Variants in HERC1 observed in about 807,000 individuals in gnomAD.
The protein encoded by HERC1 is probable E3 ubiquitin-protein ligase HERC1.
In HERC1, 160 loss-of-function variants were observed where a neutral mutation model predicts 554.3. That is an observed-to-expected ratio of 0.29 (90% CI 0.25 to 0.33). The LOEUF is 0.33. HERC1 is among the 10% of genes least tolerant of loss of function. The pLI is 1.00. For synonymous variants in HERC1, 2,175 were observed against 2,131.7 expected (o/e 1.02, Z -0.56); for missense variants, 4,919 against 5,918.5 (o/e 0.83, Z 5.54).
At chr15:63,777,645 GTCC>G (rs1300635379) in intron 1 of HERC1, among the ~76,000 whole-genome samples, 1 of 152,078 alleles carries the variant, frequency 6.6e-6, no homozygotes, top group African/African-American at 2.4e-5. Flanking sequence ...ATCACAGTCT[GTCC>G]TCAACATTGC....
chr15:63,732,251 T>G (rs1281031176), intron 14 of HERC1, among the ~76,000 whole-genome samples: 1 of 152,112 alleles, frequency 6.6e-6, no homozygotes, highest in African/African-American at 2.4e-5. Flanking sequence ...TCCACCCAAC[T>G]CGGCCTCCCA....
chr15:63,749,909 G>T lies in HERC1; in HGVS notation c.1903-118C>A. On this transcript the variant is annotated intron_variant, in intron 8 of 77. Transcript: ENST00000443617. This position sits in a 1 kb window ranked among gnomAD's most constrained non-coding sequence, Gnocchi z 4.1. ...GTTTGATAGTAAATAACTTTCTGAT[G>T]TTAAAATCATTTTGATCATTTTAAA... 1.2e-6 allele frequency: 1 copy of T among 829,874 alleles called. No homozygotes were observed. The highest frequency in any genetic ancestry group is 1.8e-6 in the Non-Finnish European group (1 of 565,428). The allele number at this position is 829,874 out of a possible 1,614,324, so 51.4% of individuals were successfully genotyped here. A position where few individuals can be genotyped will look rare whatever the true frequency, so the allele number is the denominator to read the frequency against.
chr15:63,739,194 AC>A (rs1159020034), intron 12 of HERC1, among the ~76,000 whole-genome samples: 7 of 50,640 alleles, frequency 1.4e-4, no homozygotes, highest in African/African-American at 4.8e-4. Context: ...CCACTAATAT[AC>A]TTTTTTTTTT....
intron 1 of HERC1, among the ~76,000 whole-genome samples, chr15:63,799,432 C>T (rs958714950): frequency 7.3e-5 from 11 of 151,346 alleles, no homozygotes; most frequent in Admixed American, 3.9e-4. Context: ...CCCAGGAGGT[C>T]AAGGCTGCCG....
intron 66 of HERC1, 91 bp downstream of exon 66, chr15:63,634,642 G>T: frequency 2.0e-6 from 2 of 1,018,736 alleles, no homozygotes; most frequent in Non-Finnish European, 2.9e-6. Context: ...GGTACAACTG[G>T]TGATCCTGAT....
intron 74 of HERC1, among the ~76,000 whole-genome samples, chr15:63,621,675 G>A (rs959361485): frequency 6.6e-6 from 1 of 152,166 alleles, no homozygotes; most frequent in African/African-American, 2.4e-5. Context: ...ATTTCTTGGA[G>A]GCTTTGTTCG....
chr15:63,694,704 C>T lies in HERC1; in HGVS notation c.5242+70G>A, dbSNP rs767102200. The T allele has an allele frequency of 2.3e-5, 37 of 1,590,172 alleles. 1 individual carries two copies. The African/African-American group carries it at 3.2e-4, about 14-fold the overall frequency. ...CTAATGTTAAACACAAAATATAGAA[C>T]ATAACTAGTACCATAACCTCGGGCT... On this transcript the variant is annotated intron_variant, in intron 28 of 77. Transcript: ENST00000443617. The surrounding 1 kb of genome is among the most constrained non-coding windows in gnomAD (Gnocchi z 4.3).
chr15:63,738,992 T>C (rs2074670195), intron 12 of HERC1, among the ~76,000 whole-genome samples: 3 of 151,948 alleles, frequency 2.0e-5, no homozygotes, highest in Non-Finnish European at 4.4e-5. Context: ...TTTTTTTTTT[T>C]TCAAATTGAC....
At chr15:63,789,472 TAA>T (rs2076563294) in intron 1 of HERC1, among the ~76,000 whole-genome samples, 1 of 151,968 alleles carries the variant, frequency 6.6e-6, no homozygotes. Flanking sequence ...AAGTAGAATA[TAA>T]GAGTGCCCAC....
In HERC1 at chr15:63,651,441, C is replaced by T. The variant is rs1161937166; in HGVS notation, c.10419-61G>A. On this transcript the variant is annotated intron_variant, in intron 52 of 77. Transcript: ENST00000443617. ...CCATCATTCAAAAGTAAATTAAATC[C>T]CAAACCTTAAAATAAGGGTTTCATA... 2.0e-6 allele frequency: 3 copies of T among 1,518,648 alleles called. No homozygotes were observed. The African/African-American group carries it at 4.2e-5, about 21-fold the overall frequency. 94.1% of individuals were successfully genotyped at this position (1,518,648 alleles called of 1,614,324 possible).
chr15:63,670,753 C>T (rs2070869931), intron 39 of HERC1, among the ~76,000 whole-genome samples: 1 of 152,028 alleles, frequency 6.6e-6, no homozygotes, highest in Admixed American at 6.6e-5. Context: ...GGATTAAAAA[C>T]CATATTAGAA....
chr15:63,655,807 G>C lies in HERC1; in HGVS notation c.10019C>G (p.Ala3340Gly), dbSNP rs1288718953. ...PNFVVTQALV[A>G]LLADKGAKLR... ...TTTGGCCCCTTTGTCTGCTAGCAAT[G>C]CCACAAGGGCCTGTGTTACAACAAA... The change falls in exon 50 of 78, where the codon GCA (alanine) becomes GGA (glycine). Residue 3340 changes from alanine (A) to glycine (G), a missense_variant. By Grantham distance (60) the Ala-to-Gly change is moderately conservative. Coordinates refer to ENST00000443617, the MANE Select transcript of HERC1 (RefSeq NM_003922.4). The C allele has an allele frequency of 5.0e-6, 8 of 1,588,304 alleles. No homozygotes were observed. The highest frequency in any genetic ancestry group is 2.3e-5 in the South Asian group (2 of 87,294).
Position 63,612,729 on chromosome 15 carries a change from T to C in HERC1, c.14095-173A>G, listed in dbSNP as rs1427680685. Among the ~76,000 whole-genome samples the C allele has an allele frequency of 1.3e-5, 2 of 152,184 alleles. No individual in the cohort carries two copies. The highest frequency in any genetic ancestry group is 4.8e-5 in the African/African-American group (2 of 41,448). On this transcript the variant is annotated intron_variant, in intron 76 of 77. Transcript: ENST00000443617. This position sits in a 1 kb window ranked among gnomAD's most constrained non-coding sequence, Gnocchi z 5.0. ...GTCAAAAAGGCCCACCCTCCCTGCC[T>C]CTCAACCCTTGTTAGAGTGCCTCCC... is the stretch of plus-strand genomic sequence containing the variant.
intron 1 of HERC1, among the ~76,000 whole-genome samples, chr15:63,820,527 A>T (rs369932267): frequency 6.6e-6 from 1 of 152,222 alleles, no homozygotes; most frequent in Non-Finnish European, 1.5e-5. Context: ...TACTTGAATT[A>T]TATCAAATAA....
At chr15:63,717,841 C>A (rs1195202282) in intron 21 of HERC1, among the ~76,000 whole-genome samples, 1 of 152,172 alleles carries the variant, frequency 6.6e-6, no homozygotes, top group Non-Finnish European at 1.5e-5. Flanking sequence ...CACTGCGCTC[C>A]AGCCTGAGCG....
chr15:63,704,446 T>G (rs1258578758), intron 25 of HERC1, among the ~76,000 whole-genome samples: 1 of 152,192 alleles, frequency 6.6e-6, no homozygotes, highest in Non-Finnish European at 1.5e-5. Context: ...ACTTATAAAC[T>G]TAACTAATAT....
At position 63,713,615 on chromosome 15, in the gene HERC1, G is replaced by T. The variant is rs768363971; in HGVS notation, c.4201C>A (p.Arg1401=). The part of the protein sequence containing the change: ...SAREVARSRD[R]DRMNSGAGSG... ...CCTGCCCCACTGTTCATTCTATCTCGGTCTCGGCTACGAGCTACTTCACGG... is the reference window on the plus strand; with the variant it reads ...CCTGCCCCACTGTTCATTCTATCTCTGTCTCGGCTACGAGCTACTTCACGG... Residue 1401 remains arginine (R), a synonymous_variant, in exon 23 of 78, where the codon CGA becomes AGA. Transcript: ENST00000443617. 4.3e-6 allele frequency: 7 copies of T among 1,613,100 alleles called. 1 individual carries two copies. The Admixed American group carries it at 5.0e-5, about 12-fold the overall frequency.
At chr15:63,644,700 A>G (rs1055781013) in intron 57 of HERC1, among the ~76,000 whole-genome samples, 5 of 152,214 alleles carry the variant, frequency 3.3e-5, no homozygotes, top group Non-Finnish European at 5.9e-5. Context: ...TGGAGTTTCT[A>G]TTTTAATGTA....
chr15:63,744,152 GTGTGTGTGTGTGTC>G (rs1324103652), intron 12 of HERC1, among the ~76,000 whole-genome samples: 34 of 41,594 alleles, frequency 8.2e-4, no homozygotes, highest in Admixed American at 3.3e-3. Flanking sequence ...GTGTGTGTGT[GTGTGTGTGTGTGTC>G]TCTCTCTCTC....
Sources: gnomAD v4.1 joint callset for allele counts (sites outside exome capture counted in the v4.1 genomes callset) on GRCh38, gnomAD v4.1.1 for gene constraint, Gnocchi (gnomAD v3.1) non-coding constraint, MANE v1.5 for transcripts, NCBI Gene and HGNC (gene_info 2026-07-23, HGNC 2026-07-21) for gene names.